The following PRKN variants were observed in gnomAD, a reference collection of about 807,000 sequenced individuals.
PRKN encodes the protein E3 ubiquitin-protein ligase parkin.
PRKN carries 56 observed loss-of-function variants against 59.5 expected under a neutral mutation model. That is an observed-to-expected ratio of 0.94 (90% confidence interval 0.76 to 1.18). The LOEUF (loss-of-function observed/expected upper bound fraction) is 1.18, where lower values mean the gene tolerates loss of function less well. Ranked by LOEUF, PRKN falls within the 50% of genes most tolerant of loss-of-function variation. The pLI, the probability that PRKN is intolerant of heterozygous loss-of-function variation, is 0.00. For missense variants in PRKN, 657 were observed against 596.4 expected (o/e 1.10, Z -1.06); for synonymous variants, 250 against 222.1 (o/e 1.13, Z -1.12).
At chr6:162,479,327 G>T (rs1049289520) in intron 1 of PRKN, among the ~76,000 whole-genome samples, 7 of 151,950 alleles carry the variant, frequency 4.6e-5, no homozygotes, top group African/African-American at 1.7e-4. Context: ...CCAGGTTCAG[G>T]AGATTCTCCT....
intron 2 of PRKN, among the ~76,000 whole-genome samples, chr6:162,292,067 G>A (rs966415620): frequency 1.3e-5 from 2 of 150,932 alleles, no homozygotes; most frequent in Non-Finnish European, 2.9e-5. Context: ...ACATTCAAGC[G>A]ATTCTCCTGC....
chr6:161,595,930 A>G (rs539713467), intron 7 of PRKN, among the ~76,000 whole-genome samples: 1 of 152,330 alleles, frequency 6.6e-6, no homozygotes, highest in East Asian at 1.9e-4. Flanking sequence ...AATCCACATC[A>G]GAGGTTGCAT....
Position 161,454,645 on chromosome 6 carries a change from C to T in PRKN, c.1084-67768G>A, listed in dbSNP as rs1290232866. Among the ~76,000 whole-genome samples, 1 of 152,164 alleles carries T rather than the reference C, an allele frequency of 6.6e-6. No homozygotes were observed. Among genetic ancestry groups the T allele is most frequent in the Non-Finnish European group, 1.5e-5 (1 of 68,038 alleles). On this transcript the variant is annotated intron_variant, in intron 9 of 11. Coordinates refer to ENST00000366898, the MANE Select transcript of PRKN (RefSeq NM_004562.3). This position sits in a 1 kb window ranked among gnomAD's most constrained non-coding sequence, Gnocchi z 4.6. ...ACTTTGCGCCAGCATTGTAGTTATA[C>T]TGAAATTTAGAATATGTGGGTTGAA... is the stretch of plus-strand genomic sequence containing the variant.
chr6:162,240,658 A>G (rs1778947452), intron 3 of PRKN, among the ~76,000 whole-genome samples: 1 of 152,150 alleles, frequency 6.6e-6, no homozygotes, highest in African/African-American at 2.4e-5. Context: ...CTCCTTATTC[A>G]CAGCAAGGGA....
At chr6:161,902,550 T>TATCTATATATC (rs1554245408) in intron 6 of PRKN, among the ~76,000 whole-genome samples, 1 of 101,360 alleles carries the variant, frequency 9.9e-6, no homozygotes. Context: ...ATCTATCTAT[T>TATCTATATATC]TATTTATTTA....
chr6:161,383,058 C>A (rs1325777887), intron 10 of PRKN, among the ~76,000 whole-genome samples: 2 of 152,210 alleles, frequency 1.3e-5, no homozygotes, highest in Non-Finnish European at 2.9e-5. Flanking sequence ...GATGTGAGAA[C>A]ACATCTAAAG....
intron 1 of PRKN, among the ~76,000 whole-genome samples, chr6:162,662,865 G>T (rs1347036913): frequency 6.6e-6 from 1 of 152,102 alleles, no homozygotes; most frequent in Non-Finnish European, 1.5e-5. Flanking sequence ...GTGATATGAG[G>T]TAGGAATGAT....
At chr6:162,531,400 TG>T (rs1046902993) in intron 1 of PRKN, among the ~76,000 whole-genome samples, 2 of 152,160 alleles carry the variant, frequency 1.3e-5, no homozygotes, top group African/African-American at 2.4e-5. Context: ...GCGGGAGACC[TG>T]AGTTTTATAA....
At position 162,088,642 on chromosome 6, in the gene PRKN, A is replaced by C. The variant is rs374809387; in HGVS notation, c.535-34468T>G. 4.6e-5 allele frequency among the ~76,000 whole-genome samples: 7 copies of C among 152,184 alleles called. No homozygotes were observed. The East Asian group carries it at 1.4e-3, about 29-fold the overall frequency. ...TTACACGAAACGGGTAAATTCCAAG[A>C]AAGACACAACCTACCAGAACTCACT... On this transcript the variant is annotated intron_variant, in intron 4 of 11. Transcript: ENST00000366898.
At chr6:162,556,372 T>TGTGCGTGTGC (rs1554243467) in intron 1 of PRKN, among the ~76,000 whole-genome samples, 1 of 99,288 alleles carries the variant, frequency 1.0e-5, no homozygotes, top group African/African-American at 2.9e-5. Context: ...TGTGTGTGTG[T>TGTGCGTGTGC]GTGTGTGTGT....
chr6:161,504,714 C>G (rs1778091036), intron 9 of PRKN, among the ~76,000 whole-genome samples: 1 of 140,670 alleles, frequency 7.1e-6, no homozygotes, highest in Non-Finnish European at 1.5e-5. Flanking sequence ...GTGATGTTCC[C>G]CCTCCTGTGT....
At chr6:162,437,068 G>T (rs1322986493) in intron 2 of PRKN, among the ~76,000 whole-genome samples, 1 of 151,002 alleles carries the variant, frequency 6.6e-6, no homozygotes, top group Non-Finnish European at 1.5e-5. Context: ...CTCCAGCCTG[G>T]GCGACAGAGC....
intron 9 of PRKN, among the ~76,000 whole-genome samples, chr6:161,511,265 G>T (rs1219560255): frequency 6.6e-6 from 1 of 152,188 alleles, no homozygotes; most frequent in African/African-American, 2.4e-5. Flanking sequence ...TTGGAAATAT[G>T]ATGTAAGTTT....
chr6:162,389,820 A>G (rs987598363), intron 2 of PRKN, among the ~76,000 whole-genome samples: 1 of 152,202 alleles, frequency 6.6e-6, no homozygotes, highest in African/African-American at 2.4e-5. Context: ...AAAAAGCTAA[A>G]CAAACTTCCT....
At chr6:162,718,063 C>T (rs1300493901) in intron 1 of PRKN, among the ~76,000 whole-genome samples, 1 of 152,204 alleles carries the variant, frequency 6.6e-6, no homozygotes, top group Non-Finnish European at 1.5e-5. Context: ...GCCCCTAATG[C>T]TATCTAGTTT....
chr6:161,654,394 C>G (rs1784263574), intron 7 of PRKN, among the ~76,000 whole-genome samples: 1 of 152,140 alleles, frequency 6.6e-6, no homozygotes, highest in Non-Finnish European at 1.5e-5. Flanking sequence ...GGAGCAAAGG[C>G]CACTTCCGGG....
At chr6:161,392,144 G>A (rs1366970510) in intron 9 of PRKN, among the ~76,000 whole-genome samples, 1 of 151,876 alleles carries the variant, frequency 6.6e-6, no homozygotes, top group African/African-American at 2.4e-5. Flanking sequence ...TCACCGTCTT[G>A]GCCAAGCTGG....
chr6:161,376,917 AT>A lies in PRKN; in HGVS notation c.1167+9876del, dbSNP rs1785731322. Among the ~76,000 whole-genome samples, 1 of 152,194 alleles carries A rather than the reference AT, an allele frequency of 6.6e-6. No individual in the cohort carries two copies. Among genetic ancestry groups the A allele is most frequent in the South Asian group, 2.1e-4 (1 of 4,826 alleles). ...ATAGTCCTAGGAAGCAAACTCTAAA[AT>A]GGAGTTAGAGCTGGAATCCCTCCCG... On this transcript the variant is annotated intron_variant, in intron 10 of 11. Transcript: ENST00000366898. The surrounding 1 kb of genome is among the most constrained non-coding windows in gnomAD (Gnocchi z 7.3).
At chr6:161,512,357 A>AAC (rs140855) in intron 9 of PRKN, among the ~76,000 whole-genome samples, 121,783 of 151,924 alleles carry the variant, frequency 0.8, 49,123 homozygotes, top group Middle Eastern at 0.87. Flanking sequence ...TCTGGTGCAT[A>AAC]AGACAATATA....
Sources: gnomAD v4.1 joint callset for allele counts (sites outside exome capture counted in the v4.1 genomes callset) on GRCh38, gnomAD v4.1.1 for gene constraint, Gnocchi (gnomAD v3.1) non-coding constraint, MANE v1.5 for transcripts, NCBI Gene and HGNC (gene_info 2026-07-23, HGNC 2026-07-21) for gene names.